BTRC: variants seen among roughly 807,000 people sequenced by gnomAD.
BTRC encodes the protein F-box/WD repeat-containing protein 1A.
A neutral mutation model predicts 85.5 loss-of-function variants in BTRC; 42 were observed. The observed-to-expected ratio is 0.49, with a 90% CI of 0.38 to 0.64. The LOEUF is 0.64. Ranked by LOEUF, BTRC falls within the 30% of genes least tolerant of loss-of-function variation. BTRC has a pLI of 0.00. For synonymous variants in BTRC, 255 were observed against 263.3 expected (o/e 0.97, Z 0.30); for missense variants, 594 against 743.5 (o/e 0.80, Z 2.34).
At chr10:101,502,485 G>A (rs971481586) in intron 4 of BTRC, among the ~76,000 whole-genome samples, 2 of 151,958 alleles carry the variant, frequency 1.3e-5, no homozygotes, top group Non-Finnish European at 2.9e-5. Context: ...CAATTATTAA[G>A]TTTCATGAAA....
intron 4 of BTRC, among the ~76,000 whole-genome samples, chr10:101,479,973 C>A (rs901360815): frequency 6.6e-6 from 1 of 152,140 alleles, no homozygotes; most frequent in Non-Finnish European, 1.5e-5. Flanking sequence ...GTATATATGT[C>A]ATCTCTATAG....
chr10:101,424,653 G>C (rs1589450108), intron 1 of BTRC, among the ~76,000 whole-genome samples: 2 of 152,242 alleles, frequency 1.3e-5, no homozygotes, highest in African/African-American at 4.8e-5. Context: ...CAGTGAAGAG[G>C]ATCTGTGACA....
chr10:101,505,714 A>G (rs939534541), intron 4 of BTRC, among the ~76,000 whole-genome samples: 2 of 152,038 alleles, frequency 1.3e-5, no homozygotes, highest in African/African-American at 4.8e-5. Context: ...ATTATGGGCA[A>G]TTTCCATGTT....
chr10:101,485,679 G>T (rs1449566127), intron 4 of BTRC, among the ~76,000 whole-genome samples: 1 of 152,136 alleles, frequency 6.6e-6, no homozygotes, highest in East Asian at 1.9e-4. Flanking sequence ...CGGTTCAGCT[G>T]TTGGGAACCA....
rs1589556086 is a variant in BTRC, at chr10:101,499,871, A to G, written c.324+20414A>G. On this transcript the variant is annotated intron_variant, in intron 4 of 14. Transcript: ENST00000370187. ...AGTGCTTGTCCATATTCATTTAGTT[A>G]TTACAATAGCTAGTATGCCACCTTG... Among the ~76,000 whole-genome samples the G allele has an allele frequency of 2.0e-5, 3 of 151,960 alleles. No homozygotes were observed. The East Asian group carries it at 5.8e-4, about 29-fold the overall frequency.
upstream of BTRC, chr10:101,354,114 C>T: frequency 6.6e-7 from 1 of 1,525,004 alleles, no homozygotes; most frequent in Non-Finnish European, 8.9e-7. Flanking sequence ...CCGGGCGCTG[C>T]GTTGGCTGCG....
intron 1 of BTRC, among the ~76,000 whole-genome samples, chr10:101,368,365 A>G (rs1423314767): frequency 6.6e-6 from 1 of 152,000 alleles, no homozygotes; most frequent in Non-Finnish European, 1.5e-5. Flanking sequence ...TGTGAGCCAA[A>G]TAAACCTTTT....
chr10:101,449,343 T>C (rs1944903563), intron 2 of BTRC, among the ~76,000 whole-genome samples: 1 of 152,090 alleles, frequency 6.6e-6, no homozygotes, highest in African/African-American at 2.4e-5. Flanking sequence ...GAAAGAATTT[T>C]GTCATACGTC....
intron 3 of BTRC, among the ~76,000 whole-genome samples, chr10:101,469,559 C>T (rs1945467411): frequency 6.6e-6 from 1 of 152,124 alleles, no homozygotes. Flanking sequence ...TAGCATGATA[C>T]ATTTATTGAT....
rs117612167 is a variant in BTRC at position 101,424,625 on chromosome 10, C to G, written c.49-5720C>G. ...CGTATAGTAAATGCTGAGGCTAGCC[C>G]TTTGCCTGCAGGGCTATCAGTGAAG... On this transcript the variant is annotated intron_variant, in intron 1 of 14. Transcript: ENST00000370187. Among the ~76,000 whole-genome samples the G allele has an allele frequency of 7.9e-3, 1,209 of 152,238 alleles. 11 individuals carry two copies. The highest frequency in any genetic ancestry group is 0.012 in the Non-Finnish European group (794 of 68,016).
intron 4 of BTRC, among the ~76,000 whole-genome samples, chr10:101,505,215 G>C (rs1164047924): frequency 1.8e-5 from 2 of 111,778 alleles, no homozygotes; most frequent in African/African-American, 7.6e-5. Context: ...TGTTGGCCAG[G>C]CTGGTCTAAG....
chr10:101,405,743 A>G (rs1480919769), intron 1 of BTRC, among the ~76,000 whole-genome samples: 2 of 152,166 alleles, frequency 1.3e-5, no homozygotes, highest in South Asian at 4.1e-4. Flanking sequence ...CACTTACTCC[A>G]TCTTACATGG....
intron 9 of BTRC, among the ~76,000 whole-genome samples, chr10:101,533,510 T>G (rs1408200381): frequency 6.6e-6 from 1 of 152,156 alleles, no homozygotes; most frequent in Middle Eastern, 3.2e-3. Context: ...CCCTGCAGTT[T>G]TTAATTGCAA....
chr10:101,526,471 T>C (rs1261452340), intron 6 of BTRC, among the ~76,000 whole-genome samples: 1 of 152,258 alleles, frequency 6.6e-6, no homozygotes, highest in Non-Finnish European at 1.5e-5. Context: ...AACATTCTGT[T>C]ATCTGGGCAG....
intron 1 of BTRC, among the ~76,000 whole-genome samples, chr10:101,367,536 C>A (rs957334982): frequency 6.6e-6 from 1 of 152,064 alleles, no homozygotes; most frequent in African/African-American, 2.4e-5. Context: ...ATCTTCGTAA[C>A]CATTATCTAG....
chr10:101,554,812 CAG>C lies in BTRC; in HGVS notation c.*1691_*1692del, dbSNP rs1341140667. Reference sequence around the variant, plus strand: ...TGTGCCACACCAACCTGGGAGCACACAGAATACTATTAATGTGCACCCAGCTG... The same window carrying C: ...TGTGCCACACCAACCTGGGAGCACACAATACTATTAATGTGCACCCAGCTG... On this transcript the variant is annotated 3_prime_UTR_variant, in exon 15 of 15. Coordinates refer to ENST00000370187, the MANE Select transcript of BTRC (RefSeq NM_033637.4). 6.6e-6 allele frequency: 1 copy of C among 152,342 alleles called. No individual in the cohort carries two copies. Among genetic ancestry groups the C allele is most frequent in the Non-Finnish European group, 1.5e-5 (1 of 68,044 alleles). The allele number at this position is 152,342 out of a possible 1,614,324, so 9.4% of individuals were successfully genotyped here.
intron 1 of BTRC, among the ~76,000 whole-genome samples, chr10:101,412,239 TC>T (rs1366946734): frequency 6.6e-6 from 1 of 152,220 alleles, no homozygotes; most frequent in Non-Finnish European, 1.5e-5. Context: ...AATTCATTCT[TC>T]AGTATTCTGC....
At chr10:101,482,684 C>T (rs543462499) in intron 4 of BTRC, among the ~76,000 whole-genome samples, 5 of 152,262 alleles carry the variant, frequency 3.3e-5, no homozygotes, top group Non-Finnish European at 7.4e-5. Context: ...CGTGAGCTGC[C>T]GCATCCGGCC....
rs1943819000 is a variant in BTRC at position 101,412,839 on chromosome 10, A to AT, written c.49-17506_49-17505insT. ...GCGATTAAGTTTATATACAGACAAT[A>AT]AAGTGTCTAGTTGTATTGTCTTTCC... On this transcript the variant is annotated intron_variant, in intron 1 of 14. Transcript: ENST00000370187. Among the ~76,000 whole-genome samples, 3 of 152,204 alleles carry AT rather than the reference A, an allele frequency of 2.0e-5. No homozygotes were observed. The South Asian group carries it at 6.2e-4, about 32-fold the overall frequency.
Sources: allele counts gnomAD v4.1 joint callset (sites outside exome capture counted in the v4.1 genomes callset), GRCh38; gene constraint gnomAD v4.1.1; transcripts MANE v1.5; gene names NCBI Gene and HGNC (gene_info 2026-07-23, HGNC 2026-07-21).